The following INSL6 variants were observed in gnomAD, a reference collection of about 807,000 sequenced individuals.
INSL6 encodes the protein insulin like 6, also known as insulin-like peptide INSL6.
Under a neutral mutation model 9.4 loss-of-function variants are expected in INSL6, and 16 were observed. That is an observed-to-expected ratio of 1.70 (90% CI 1.15 to 2.59). The LOEUF (loss-of-function observed/expected upper bound fraction) is 2.59. Ranked by LOEUF, INSL6 falls within the 30% of genes most tolerant of loss-of-function variation. INSL6 has a pLI of 0.00. For synonymous variants in INSL6, 154 were observed against 96.9 expected, an observed-to-expected ratio of 1.59 and a Z score of -3.46; for missense variants, 391 against 257.3, an observed-to-expected ratio of 1.52 and a Z score of -3.56.
the INSL6 span, among the ~76,000 whole-genome samples, chr9:5,017,384 C>T: frequency 5.3e-5 from 8 of 152,088 alleles, no homozygotes; most frequent in East Asian, 1.2e-3. Context: ...AAATTTACTC[C>T]TTAATGCTAA....
At chr9:5,123,671 G>A (rs1024742308), downstream of INSL6, among the ~76,000 whole-genome samples, 1 of 151,908 alleles carries the variant, frequency 6.6e-6, no homozygotes, top group African/African-American at 2.4e-5. Context: ...ATACCCCATA[G>A]TGGGAATGCT....
chr9:5,180,523 T>G (rs1825428216), intron 1 of INSL6, among the ~76,000 whole-genome samples: 2 of 152,172 alleles, frequency 1.3e-5, no homozygotes, highest in Non-Finnish European at 2.9e-5. Flanking sequence ...AGGAATGTAC[T>G]ACTGGAGGGA....
At chr9:5,178,441 C>G (rs1056168618) in intron 1 of INSL6, among the ~76,000 whole-genome samples, 1 of 152,222 alleles carries the variant, frequency 6.6e-6, no homozygotes, top group Non-Finnish European at 1.5e-5. Flanking sequence ...AAGCAGGACA[C>G]TGATCCATTA....
chr9:5,063,823 C>G, the INSL6 span, among the ~76,000 whole-genome samples: 2 of 152,094 alleles, frequency 1.3e-5, no homozygotes, highest in Non-Finnish European at 2.9e-5. Flanking sequence ...ATGTAAGTAA[C>G]ATGCTGCATT....
At chr9:5,126,664 G>C (rs1302720779) in intron 3 of INSL6, 1 of 1,551,504 alleles carries the variant, frequency 6.4e-7, no homozygotes, top group Admixed American at 1.8e-5. Context: ...TTTAATTTTG[G>C]TTTATTTTCT....
intron 2 of INSL6, among the ~76,000 whole-genome samples, chr9:5,148,310 A>C (rs899760834): frequency 1.2e-4 from 18 of 152,136 alleles, no homozygotes; most frequent in Admixed American, 3.3e-4. Flanking sequence ...TTTTGGTGTT[A>C]TAGTTTCGGC....
chr9:5,089,307 G>T, the INSL6 span, among the ~76,000 whole-genome samples: 3 of 152,092 alleles, frequency 2.0e-5, no homozygotes, highest in Non-Finnish European at 4.4e-5. Context: ...GGGAGGCCGA[G>T]TTGGGTGGAT....
chr9:5,050,825 C>G, the INSL6 span: 1 of 1,612,748 alleles, frequency 6.2e-7, no homozygotes, highest in Non-Finnish European at 8.5e-7. Flanking sequence ...ATCTATAACT[C>G]TATCAGGTAA....
chr9:5,066,645 A>G, the INSL6 span: 1 of 1,154,258 alleles, frequency 8.7e-7, no homozygotes, highest in South Asian at 1.2e-5. Context: ...GGTGCTTGAT[A>G]TATTATTCAA....
At chr9:5,183,699 C>CA (rs1315364911) in intron 1 of INSL6, among the ~76,000 whole-genome samples, 3 of 151,872 alleles carry the variant, frequency 2.0e-5, no homozygotes, top group African/African-American at 7.3e-5. Context: ...GAGAAATGCC[C>CA]ACCCAACATA....
chr9:5,019,151 TC>T, the INSL6 span, among the ~76,000 whole-genome samples: 1 of 152,190 alleles, frequency 6.6e-6, no homozygotes, highest in Non-Finnish European at 1.5e-5. Flanking sequence ...GGTTTTCTAT[TC>T]CTTTTGTATT....
chr9:5,073,060 C>T, the INSL6 span, among the ~76,000 whole-genome samples: 35 of 152,278 alleles, frequency 2.3e-4, no homozygotes, highest in African/African-American at 6.5e-4. Context: ...TGGCAGACCC[C>T]GTGGCCAGTT....
the INSL6 span, chr9:5,089,989 T>A: frequency 1.1e-4 from 56 of 508,854 alleles, no homozygotes; most frequent in Non-Finnish European, 9.5e-6. Flanking sequence ...CATTCTATAA[T>A]GACTAGAGAT....
At chr9:5,151,183 A>G (rs753371908) in intron 2 of INSL6, among the ~76,000 whole-genome samples, 5 of 151,868 alleles carry the variant, frequency 3.3e-5, no homozygotes, top group Non-Finnish European at 5.9e-5. Flanking sequence ...CTTCACCACT[A>G]TGCAATATAT....
At chr9:5,034,857 G>C in the INSL6 span, among the ~76,000 whole-genome samples, 1 of 152,144 alleles carries the variant, frequency 6.6e-6, no homozygotes, top group African/African-American at 2.4e-5. Flanking sequence ...ACATTCAAAA[G>C]CTAGCAGAAG....
the INSL6 span, among the ~76,000 whole-genome samples, chr9:5,004,623 A>G: frequency 6.6e-6 from 1 of 151,978 alleles, no homozygotes; most frequent in Non-Finnish European, 1.5e-5. Context: ...GCTTTGACAT[A>G]TTATTTTTAG....
At chr9:5,003,474 T>C in the INSL6 span, among the ~76,000 whole-genome samples, 1,737 of 152,180 alleles carry the variant, frequency 0.011, 22 homozygotes, top group Middle Eastern at 0.031. Flanking sequence ...GATTTTTTGT[T>C]ACTATTGTAA....
At chr9:5,060,042 A>G in the INSL6 span, among the ~76,000 whole-genome samples, 1 of 152,248 alleles carries the variant, frequency 6.6e-6, no homozygotes, top group Non-Finnish European at 1.5e-5. Flanking sequence ...AGTGAGTCAC[A>G]TAAATTTTTT....
chr9:5,048,249 C>T, the INSL6 span, among the ~76,000 whole-genome samples: 101 of 152,176 alleles, frequency 6.6e-4, no homozygotes, highest in Non-Finnish European at 1.0e-3. Context: ...TCAAGTGATT[C>T]TCCTGACTCA....
Sources: allele counts gnomAD v4.1 joint callset (sites outside exome capture counted in the v4.1 genomes callset), GRCh38; gene constraint gnomAD v4.1.1; transcripts MANE v1.5; gene names NCBI Gene and HGNC (gene_info 2026-07-23, HGNC 2026-07-21).